The following CSMD1 variants were observed in gnomAD, a reference collection of about 807,000 sequenced individuals.
The protein encoded by CSMD1 is CUB and Sushi multiple domains 1.
CSMD1 carries 213 observed loss-of-function variants against 417.5 expected under a neutral mutation model. That is an observed-to-expected ratio of 0.51 (90% CI 0.46 to 0.57). The LOEUF (loss-of-function observed/expected upper bound fraction) is 0.57, where lower values mean the gene tolerates loss of function less well. CSMD1 is among the 20% of genes least tolerant of loss of function. The probability of loss-of-function intolerance (pLI) is 0.00; values close to 1 mark genes in which losing one functional copy is unlikely to be tolerated. For synonymous variants in CSMD1, 2,862 were observed against 1,736.8 expected, an observed-to-expected ratio of 1.65 and a Z score of -16.11; for missense variants, 6,923 against 4,529.7, an observed-to-expected ratio of 1.53 and a Z score of -15.17.
chr8:3,358,385 G>A (rs13272314), intron 21 of CSMD1, among the ~76,000 whole-genome samples: 3 of 152,012 alleles, frequency 2.0e-5, no homozygotes, highest in Non-Finnish European at 4.4e-5. Context: ...GGAACTAGAC[G>A]TTGTCCGTAT....
chr8:3,293,461 A>G (rs1224911175), intron 25 of CSMD1, among the ~76,000 whole-genome samples: 1 of 152,180 alleles, frequency 6.6e-6, no homozygotes, highest in Non-Finnish European at 1.5e-5. Flanking sequence ...TTTTAGGTAC[A>G]CCAATCAGAC....
intron 3 of CSMD1, among the ~76,000 whole-genome samples, chr8:4,317,938 G>C (rs1001301017): frequency 1.3e-5 from 2 of 152,286 alleles, no homozygotes; most frequent in Middle Eastern, 3.4e-3. Flanking sequence ...GATGTAATAT[G>C]TTGCCGTTCC....
Position 3,682,395 on chromosome 8 carries a change from A to G in CSMD1, c.1009+26019T>C, listed in dbSNP as rs1330577767. 5.3e-5 allele frequency among the ~76,000 whole-genome samples: 8 copies of G among 152,362 alleles called. No homozygotes were observed. The East Asian group carries it at 1.3e-3, about 26-fold the overall frequency. On this transcript the variant is annotated intron_variant, in intron 7 of 69. Transcript: ENST00000635120. ...AAGTGGGTGAAGGACATGAACAGAC[A>G]CTTCTCAAAAGATGACCTTTATGCA...
intron 41 of CSMD1, among the ~76,000 whole-genome samples, chr8:3,121,964 G>C (rs1377888130): frequency 6.6e-6 from 1 of 152,068 alleles, no homozygotes; most frequent in Non-Finnish European, 1.5e-5. Flanking sequence ...AAATATTATA[G>C]AGAATTAGCT....
chr8:3,844,421 G>C (rs1484887864), intron 5 of CSMD1, among the ~76,000 whole-genome samples: 2 of 152,120 alleles, frequency 1.3e-5, no homozygotes, highest in East Asian at 1.9e-4. Context: ...AATAATTCTA[G>C]AACCTTTACA....
At chr8:3,864,472 A>G (rs921194035) in intron 5 of CSMD1, among the ~76,000 whole-genome samples, 3 of 152,276 alleles carry the variant, frequency 2.0e-5, no homozygotes, top group Middle Eastern at 3.4e-3. Flanking sequence ...GGAGGAAGAC[A>G]CTTTTTTTAT....
chr8:4,716,473 G>T (rs188992957), intron 1 of CSMD1, among the ~76,000 whole-genome samples: 1 of 152,166 alleles, frequency 6.6e-6, no homozygotes. Flanking sequence ...GTTATTAATA[G>T]AAGGTTTTTA....
chr8:3,964,147 G>A (rs73658509), intron 5 of CSMD1, among the ~76,000 whole-genome samples: 1 of 152,126 alleles, frequency 6.6e-6, no homozygotes, highest in Non-Finnish European at 1.5e-5. Context: ...TCACCCAAGA[G>A]GGTGAAGACC....
chr8:4,946,547 TTA>T (rs1484470015), intron 1 of CSMD1, among the ~76,000 whole-genome samples: 1 of 152,172 alleles, frequency 6.6e-6, no homozygotes, highest in African/African-American at 2.4e-5. Context: ...AAGCATGTCC[TTA>T]TGAAGGATTC....
At chr8:2,960,002 A>G (rs1473046043) in intron 62 of CSMD1, among the ~76,000 whole-genome samples, 2 of 152,212 alleles carry the variant, frequency 1.3e-5, no homozygotes, top group East Asian at 1.9e-4. Context: ...GTGTCATATG[A>G]TAGGTTATAG....
intron 3 of CSMD1, among the ~76,000 whole-genome samples, chr8:4,207,264 G>A (rs1170343259): frequency 6.6e-6 from 1 of 152,146 alleles, no homozygotes; most frequent in African/African-American, 2.4e-5. Context: ...TCAAGTGACA[G>A]AATGAAACTG....
intron 3 of CSMD1, among the ~76,000 whole-genome samples, chr8:4,058,726 C>A (rs1471348611): frequency 1.5e-5 from 2 of 136,460 alleles, no homozygotes; most frequent in African/African-American, 2.7e-5. Flanking sequence ...GGGATCAATT[C>A]AACAAGAAGA....
chr8:3,233,402 G>A (rs1798963048), intron 26 of CSMD1, among the ~76,000 whole-genome samples: 1 of 152,186 alleles, frequency 6.6e-6, no homozygotes. Context: ...GCCAGATGTG[G>A]TCCCTCGACC....
chr8:4,990,535 G>T (rs1811407158), intron 1 of CSMD1, among the ~76,000 whole-genome samples: 1 of 151,984 alleles, frequency 6.6e-6, no homozygotes, highest in South Asian at 2.1e-4. Flanking sequence ...AGCTAATTTC[G>T]TATTTTTTTT....
chr8:3,974,660 A>T (rs1435269647), intron 5 of CSMD1, among the ~76,000 whole-genome samples: 1 of 144,884 alleles, frequency 6.9e-6, no homozygotes, highest in Non-Finnish European at 1.5e-5. Context: ...CTGCTTTAAA[A>T]ACAGCGTGCA....
chr8:4,940,779 G>A (rs572247591), intron 1 of CSMD1, among the ~76,000 whole-genome samples: 6 of 151,916 alleles, frequency 3.9e-5, no homozygotes, highest in East Asian at 1.9e-4. Context: ...AAAATGAGGG[G>A]GCAAAAAAAT....
chr8:4,687,318 T>G (rs559067044), intron 1 of CSMD1, among the ~76,000 whole-genome samples: 1 of 152,276 alleles, frequency 6.6e-6, no homozygotes, highest in East Asian at 1.9e-4. Context: ...TGAAGACAGA[T>G]GCATAGATGG....
chr8:3,689,983 C>G (rs968068302), intron 7 of CSMD1, among the ~76,000 whole-genome samples: 10 of 152,178 alleles, frequency 6.6e-5, no homozygotes, highest in Non-Finnish European at 2.9e-5. Context: ...CTGACATATG[C>G]CTAATATTTT....
At chr8:4,254,100 G>C (rs138203159) in intron 3 of CSMD1, among the ~76,000 whole-genome samples, 2,048 of 151,748 alleles carry the variant, frequency 0.013, 52 homozygotes, top group African/African-American at 0.046. Flanking sequence ...TGTGTTTTTA[G>C]TAGAGACAGG....
Sources: gnomAD v4.1 joint callset for allele counts (sites outside exome capture counted in the v4.1 genomes callset) on GRCh38, gnomAD v4.1.1 for gene constraint, MANE v1.5 for transcripts, NCBI Gene and HGNC (gene_info 2026-07-23, HGNC 2026-07-21) for gene names.